Variants in ENTREP2 observed in about 807,000 individuals in gnomAD.
ENTREP2 encodes the protein endosomal transmembrane epsin interactor 2, also known as protein ENTREP2.
At chr15:29,559,551 T>C in the ENTREP2 span, among the ~76,000 whole-genome samples, 1 of 151,978 alleles carries the variant, frequency 6.6e-6, no homozygotes, top group African/African-American at 2.4e-5. Context: ...ATTCAAGGGG[T>C]CACAAGCCTC....
At chr15:29,441,963 G>A in the ENTREP2 span, among the ~76,000 whole-genome samples, 12 of 152,202 alleles carry the variant, frequency 7.9e-5, no homozygotes, top group Admixed American at 7.8e-4. Context: ...CATTTCCCAT[G>A]AGCCTCTCAA....
chr15:29,648,290 G>A, the ENTREP2 span, among the ~76,000 whole-genome samples: 365 of 152,264 alleles, frequency 2.4e-3, 1 homozygote, highest in African/African-American at 8.5e-3. Context: ...GTTGCAAAAC[G>A]GTCAGTGCTT....
chr15:29,555,068 G>C, the ENTREP2 span, among the ~76,000 whole-genome samples: 2 of 152,216 alleles, frequency 1.3e-5, no homozygotes, highest in Admixed American at 6.5e-5. Context: ...GACACTGTTA[G>C]GTGACAATAA....
the ENTREP2 span, among the ~76,000 whole-genome samples, chr15:29,674,137 G>C: frequency 2.7e-5 from 4 of 148,930 alleles, 1 homozygote; most frequent in Non-Finnish European, 6.0e-5. Flanking sequence ...ATGGGGGGGG[G>C]GGGGGGCTTT....
At chr15:29,610,098 T>C in the ENTREP2 span, 3 of 150,790 alleles carry the variant, frequency 2.0e-5, no homozygotes, top group South Asian at 4.2e-4. Flanking sequence ...GCAGAGGTCC[T>C]AGCCCTGTTG....
chr15:29,444,988 C>A, the ENTREP2 span, among the ~76,000 whole-genome samples: 1 of 152,168 alleles, frequency 6.6e-6, no homozygotes, highest in African/African-American at 2.4e-5. Context: ...AACAGGGCTG[C>A]CAGCCCAATA....
chr15:29,402,913 G>C, the ENTREP2 span, among the ~76,000 whole-genome samples: 1 of 152,222 alleles, frequency 6.6e-6, no homozygotes, highest in African/African-American at 2.4e-5. Context: ...ACCCATGCCA[G>C]TGGGTACTAA....
At chr15:29,547,090 AT>A in the ENTREP2 span, among the ~76,000 whole-genome samples, 1,200 of 141,864 alleles carry the variant, frequency 8.5e-3, 20 homozygotes, top group African/African-American at 0.02. Flanking sequence ...TATTGACTCA[AT>A]TTTTTTTTTT....
At chr15:29,171,859 C>CT in the ENTREP2 span, among the ~76,000 whole-genome samples, 6 of 152,210 alleles carry the variant, frequency 3.9e-5, no homozygotes, top group Non-Finnish European at 8.8e-5. Flanking sequence ...CACCTAGAAT[C>CT]TTTTTTCATG....
the ENTREP2 span, among the ~76,000 whole-genome samples, chr15:29,306,591 A>G: frequency 1.4e-5 from 2 of 148,026 alleles, no homozygotes; most frequent in Non-Finnish European, 3.0e-5. Flanking sequence ...CCAGGTTTTT[A>G]CACTTGTTTC....
the ENTREP2 span, among the ~76,000 whole-genome samples, chr15:29,606,511 CAAT>C: frequency 6.6e-6 from 1 of 152,032 alleles, no homozygotes; most frequent in Non-Finnish European, 1.5e-5. Context: ...ATGTTGGTAG[CAAT>C]TTGCTATGCC....
At chr15:29,308,308 G>A in the ENTREP2 span, among the ~76,000 whole-genome samples, 5 of 152,166 alleles carry the variant, frequency 3.3e-5, no homozygotes, top group African/African-American at 4.8e-5. Flanking sequence ...CCAGGGAGGT[G>A]GAGGTTGCAG....
chr15:29,599,764 G>A, the ENTREP2 span, among the ~76,000 whole-genome samples: 1 of 152,142 alleles, frequency 6.6e-6, no homozygotes, highest in Non-Finnish European at 1.5e-5. Flanking sequence ...AAAAGTTTGA[G>A]TCAACTTTTT....
the ENTREP2 span, among the ~76,000 whole-genome samples, chr15:29,479,206 C>CA: frequency 5.5e-5 from 4 of 72,334 alleles, no homozygotes; most frequent in Admixed American, 1.6e-4. Context: ...GGCTCTGTCT[C>CA]AAAAAAAAAA....
chr15:29,276,038 T>C, the ENTREP2 span, among the ~76,000 whole-genome samples: 23 of 152,238 alleles, frequency 1.5e-4, no homozygotes, highest in African/African-American at 5.3e-4. Flanking sequence ...AACAGTTATA[T>C]ATATTCATTC....
the ENTREP2 span, among the ~76,000 whole-genome samples, chr15:29,217,660 C>T: frequency 0.012 from 1,823 of 152,210 alleles, 17 homozygotes; most frequent in Non-Finnish European, 0.019. Flanking sequence ...CCCTTCACTT[C>T]TTGTATCATT....
chr15:29,440,708 T>C, the ENTREP2 span, among the ~76,000 whole-genome samples: 8 of 152,290 alleles, frequency 5.3e-5, no homozygotes, highest in African/African-American at 1.9e-4. Context: ...GGGGCCTCCC[T>C]GCCTCTTCCA....
At chr15:29,620,832 G>T in the ENTREP2 span, among the ~76,000 whole-genome samples, 6 of 152,184 alleles carry the variant, frequency 3.9e-5, no homozygotes, top group East Asian at 3.9e-4. Context: ...GGGGAAAAGG[G>T]CAGGAAATGG....
chr15:29,642,552 C>CTAT, the ENTREP2 span, among the ~76,000 whole-genome samples: 4 of 147,124 alleles, frequency 2.7e-5, no homozygotes, highest in African/African-American at 7.5e-5. Flanking sequence ...TACATATATA[C>CTAT]ACATATATAT....
Sources: gnomAD v4.1 joint callset for allele counts (sites outside exome capture counted in the v4.1 genomes callset) on GRCh38, gnomAD v4.1.1 for gene constraint, MANE v1.5 for transcripts, NCBI Gene and HGNC (gene_info 2026-07-23, HGNC 2026-07-21) for gene names.